Variants in PHLPP1 observed in about 807,000 individuals in gnomAD.
The protein encoded by PHLPP1 is PH domain leucine-rich repeat-containing protein phosphatase 1.
Under a neutral mutation model 117.2 loss-of-function variants are expected in PHLPP1, and 42 were observed. The ratio of observed to expected loss-of-function variants is 0.36; its 90% confidence interval spans 0.28 to 0.46. The LOEUF (loss-of-function observed/expected upper bound fraction) is 0.46. Ranked by LOEUF, PHLPP1 falls within the 20% of genes least tolerant of loss-of-function variation. The pLI is 1.00. For missense variants in PHLPP1, 2,084 were observed against 2,241.9 expected, an observed-to-expected ratio of 0.93 and a Z score of 1.42; for synonymous variants, 1,042 against 970.7, an observed-to-expected ratio of 1.07 and a Z score of -1.37.
At chr18:62,810,861 A>C (rs1758326213) in intron 1 of PHLPP1, among the ~76,000 whole-genome samples, 1 of 152,238 alleles carries the variant, frequency 6.6e-6, no homozygotes, top group Non-Finnish European at 1.5e-5. Flanking sequence ...ATCGGAGGTC[A>C]GTAGTGTAGG....
At chr18:62,894,890 C>T in intron 4 of PHLPP1, 121 bp from the exon 5 acceptor site, 1 of 782,170 alleles carries the variant, frequency 1.3e-6, no homozygotes, top group Admixed American at 2.5e-5. Context: ...TCTCTGGGGC[C>T]CCCATTTCCT....
chr18:62,761,718 CCTT>C (rs1912246961), intron 1 of PHLPP1, among the ~76,000 whole-genome samples: 1 of 151,420 alleles, frequency 6.6e-6, no homozygotes, highest in African/African-American at 2.4e-5. Context: ...AAATAACAGG[CCTT>C]CTACAAATTT....
At chr18:62,900,252 G>C (rs1038352953) in intron 6 of PHLPP1, among the ~76,000 whole-genome samples, 1 of 151,580 alleles carries the variant, frequency 6.6e-6, no homozygotes, top group African/African-American at 2.4e-5. Context: ...GGCCAAGATC[G>C]CACCACTGCA....
chr18:62,814,656 A>T (rs1348094489), intron 1 of PHLPP1, among the ~76,000 whole-genome samples: 1 of 152,194 alleles, frequency 6.6e-6, no homozygotes, highest in East Asian at 1.9e-4. Context: ...TTCTTCCAGT[A>T]GCTTTATATA....
intron 1 of PHLPP1, among the ~76,000 whole-genome samples, chr18:62,795,599 T>C (rs554989421): frequency 6.6e-6 from 1 of 152,208 alleles, no homozygotes; most frequent in East Asian, 1.9e-4. Flanking sequence ...TGGATGGTAG[T>C]TGACCTCTTC....
chr18:62,932,886 C>T (rs1404438887), intron 10 of PHLPP1, among the ~76,000 whole-genome samples: 2 of 152,220 alleles, frequency 1.3e-5, no homozygotes, highest in African/African-American at 4.8e-5. Flanking sequence ...CCAAAAGACT[C>T]TCAGACTTGA....
chr18:62,966,056 T>C (rs1025933662), intron 14 of PHLPP1, among the ~76,000 whole-genome samples: 4 of 152,118 alleles, frequency 2.6e-5, no homozygotes, highest in Non-Finnish European at 5.9e-5. Context: ...AGAAGCCAGG[T>C]TGCCTGGCTT....
At chr18:62,905,706 C>T (rs997897411) in intron 8 of PHLPP1, among the ~76,000 whole-genome samples, 1 of 152,068 alleles carries the variant, frequency 6.6e-6, no homozygotes, top group South Asian at 2.1e-4. Flanking sequence ...GGATTTCTTA[C>T]ACCCCTTGTT....
At chr18:62,828,828 G>A (rs2144330124) in intron 1 of PHLPP1, among the ~76,000 whole-genome samples, 1 of 152,296 alleles carries the variant, frequency 6.6e-6, no homozygotes, top group East Asian at 1.9e-4. Flanking sequence ...AAATAAATAT[G>A]TTATTCCTGA....
intron 1 of PHLPP1, among the ~76,000 whole-genome samples, chr18:62,781,402 C>T (rs1315046242): frequency 6.6e-6 from 1 of 152,172 alleles, no homozygotes; most frequent in African/African-American, 2.4e-5. Flanking sequence ...CAGGTGTCTG[C>T]TTCATCTTAC....
At chr18:62,788,352 A>G (rs1206188002) in intron 1 of PHLPP1, among the ~76,000 whole-genome samples, 3 of 152,182 alleles carry the variant, frequency 2.0e-5, no homozygotes, top group African/African-American at 4.8e-5. Flanking sequence ...TGTCAGAGAC[A>G]GAGACTAAGC....
intron 1 of PHLPP1, among the ~76,000 whole-genome samples, chr18:62,807,276 CA>C (rs1339563162): frequency 1.3e-5 from 2 of 152,008 alleles, no homozygotes; most frequent in Non-Finnish European, 2.9e-5. Context: ...TTAGTTTTTC[CA>C]GCAAGTTATA....
chr18:62,775,958 T>C (rs1272294582), intron 1 of PHLPP1, among the ~76,000 whole-genome samples: 1 of 152,078 alleles, frequency 6.6e-6, no homozygotes, highest in Non-Finnish European at 1.5e-5. Context: ...TATATAAATT[T>C]CATATAAATA....
At chr18:62,878,137 A>G (rs947894134) in intron 4 of PHLPP1, among the ~76,000 whole-genome samples, 1 of 152,120 alleles carries the variant, frequency 6.6e-6, no homozygotes. Context: ...TAATGCCAAC[A>G]CTGTATTTGT....
chr18:62,776,780 T>G (rs956950447), intron 1 of PHLPP1, among the ~76,000 whole-genome samples: 1 of 152,060 alleles, frequency 6.6e-6, no homozygotes, highest in Non-Finnish European at 1.5e-5. Context: ...CGGCTAATTT[T>G]TGTATTTTTA....
At chr18:62,935,103 A>C (rs945534426) in intron 10 of PHLPP1, among the ~76,000 whole-genome samples, 3 of 152,232 alleles carry the variant, frequency 2.0e-5, no homozygotes, top group African/African-American at 7.2e-5. Flanking sequence ...TCTCTATTGC[A>C]GTTAACATGA....
chr18:62,844,656 T>TTA (rs1242264245), intron 3 of PHLPP1, among the ~76,000 whole-genome samples: 1 of 152,210 alleles, frequency 6.6e-6, no homozygotes, highest in African/African-American at 2.4e-5. Context: ...AGATGAGGAC[T>TTA]CTTCTTACAA....
intron 4 of PHLPP1, among the ~76,000 whole-genome samples, chr18:62,883,469 T>C (rs1916214149): frequency 6.6e-6 from 1 of 152,208 alleles, no homozygotes; most frequent in Admixed American, 6.5e-5. Flanking sequence ...AGCTCAACTT[T>C]ACTGCAAAAT....
At chr18:62,791,299 C>T (rs1913449892) in intron 1 of PHLPP1, among the ~76,000 whole-genome samples, 1 of 152,102 alleles carries the variant, frequency 6.6e-6, no homozygotes, top group Admixed American at 6.6e-5. Flanking sequence ...GGAGCAGAAG[C>T]AGAGGCAGGC....
Sources: gnomAD v4.1 joint callset for allele counts (sites outside exome capture counted in the v4.1 genomes callset) on GRCh38, gnomAD v4.1.1 for gene constraint, MANE v1.5 for transcripts, NCBI Gene and HGNC (gene_info 2026-07-23, HGNC 2026-07-21) for gene names.